The following STXBP4 variants were observed in gnomAD, a reference collection of about 807,000 sequenced individuals.
STXBP4 encodes syntaxin-binding protein 4.
A neutral mutation model predicts 76.1 loss-of-function variants in STXBP4; 55 were observed. That is an observed-to-expected ratio of 0.72 (90% CI 0.58 to 0.91). STXBP4 has a LOEUF of 0.91. STXBP4 is among the 40% of genes least tolerant of loss of function. The pLI, the probability that STXBP4 is intolerant of heterozygous loss-of-function variation, is 0.00. For missense variants in STXBP4, 618 were observed against 636.9 expected (o/e 0.97, Z 0.32); for synonymous variants, 201 against 220.2 (o/e 0.91, Z 0.77).
chr17:55,197,463 G>A, the STXBP4 span, among the ~76,000 whole-genome samples: 4 of 152,192 alleles, frequency 2.6e-5, no homozygotes, highest in African/African-American at 7.2e-5. Flanking sequence ...AGGCTGAGTG[G>A]CCAGGCGCTG....
At chr17:55,191,978 T>C in the STXBP4 span, among the ~76,000 whole-genome samples, 1 of 152,184 alleles carries the variant, frequency 6.6e-6, no homozygotes, top group Non-Finnish European at 1.5e-5. Context: ...CTCAGGAAAG[T>C]GCTTTACTTA....
intron 16 of STXBP4, among the ~76,000 whole-genome samples, chr17:55,092,546 T>A (rs2079428787): frequency 6.6e-6 from 1 of 152,202 alleles, no homozygotes; most frequent in Non-Finnish European, 1.5e-5. Flanking sequence ...TTATTTTTAC[T>A]CAACCAATTG....
rs531494086 is a variant in STXBP4 at position 55,082,352 on chromosome 17, A to G, written c.1489+1169A>G. Among the ~76,000 whole-genome samples the G allele has an allele frequency of 5.7e-4, 87 of 152,340 alleles. 1 individual carries two copies. Among genetic ancestry groups the G allele is most frequent in the African/African-American group, 2.1e-3 (86 of 41,596 alleles). ...GACCAATGGTAAAGTTCTGAAGAGA[A>G]GAAAGTAAAATCTTCCATTAATTTA... is the stretch of plus-strand genomic sequence containing the variant. On this transcript the variant is annotated intron_variant, in intron 16 of 17. Transcript: ENST00000376352.
chr17:55,156,927 A>G (rs2080283764), intron 17 of STXBP4, among the ~76,000 whole-genome samples: 1 of 152,216 alleles, frequency 6.6e-6, no homozygotes, highest in African/African-American at 2.4e-5. Context: ...CACCGTTCAG[A>G]GTCTATAACT....
At chr17:55,055,237 G>T (rs2078909165) in intron 12 of STXBP4, among the ~76,000 whole-genome samples, 1 of 152,104 alleles carries the variant, frequency 6.6e-6, no homozygotes, top group South Asian at 2.1e-4. Context: ...GTGTGTTGGG[G>T]CCTACACATA....
the STXBP4 span, among the ~76,000 whole-genome samples, chr17:55,207,600 TTA>T: frequency 4.6e-5 from 7 of 152,392 alleles, no homozygotes; most frequent in South Asian, 1.4e-3. Context: ...CTGTTAGTAT[TTA>T]TGTCACTGGT....
intron 17 of STXBP4, among the ~76,000 whole-genome samples, chr17:55,149,433 C>T (rs1349535057): frequency 6.6e-6 from 1 of 152,188 alleles, no homozygotes; most frequent in Non-Finnish European, 1.5e-5. Context: ...TCAATACTCT[C>T]TACCCTCTAT....
intron 8 of STXBP4, among the ~76,000 whole-genome samples, chr17:55,028,244 T>C (rs767491883): frequency 6.6e-6 from 1 of 152,148 alleles, no homozygotes; most frequent in Non-Finnish European, 1.5e-5. Context: ...TGTAGCATTG[T>C]GTTCCATAGT....
At chr17:55,073,660 C>T (rs1452192341) in intron 13 of STXBP4, among the ~76,000 whole-genome samples, 1 of 152,118 alleles carries the variant, frequency 6.6e-6, no homozygotes, top group Admixed American at 6.5e-5. Flanking sequence ...CAGAGTTTCA[C>T]TCTTGTCGCC....
the STXBP4 span, among the ~76,000 whole-genome samples, chr17:55,198,430 C>T: frequency 6.6e-6 from 1 of 152,156 alleles, no homozygotes; most frequent in Non-Finnish European, 1.5e-5. Flanking sequence ...TGGGCTGTGG[C>T]TGCTTCTGTA....
At chr17:55,175,530 C>T (rs567216569), downstream of STXBP4, among the ~76,000 whole-genome samples, 3 of 152,306 alleles carry the variant, frequency 2.0e-5, no homozygotes, top group African/African-American at 7.2e-5. Flanking sequence ...GAAATAGGAT[C>T]CATCACAGAT....
chr17:55,122,462 G>A (rs1478187366), intron 16 of STXBP4, among the ~76,000 whole-genome samples: 6 of 152,200 alleles, frequency 3.9e-5, no homozygotes, highest in African/African-American at 1.2e-4. Context: ...ACTCTAGGAA[G>A]AGATAAATGA....
chr17:55,185,668 C>G, the STXBP4 span, among the ~76,000 whole-genome samples: 1 of 152,116 alleles, frequency 6.6e-6, no homozygotes, highest in Non-Finnish European at 1.5e-5. Context: ...GTGGAGAGAG[C>G]AGATGAGTAC....
chr17:55,179,228 G>A, the STXBP4 span, among the ~76,000 whole-genome samples: 1 of 152,006 alleles, frequency 6.6e-6, no homozygotes, highest in Non-Finnish European at 1.5e-5. Flanking sequence ...CTACCACTGG[G>A]ACTATTTAAT....
At chr17:54,994,324 A>G (rs1184722252) in intron 4 of STXBP4, among the ~76,000 whole-genome samples, 1 of 152,174 alleles carries the variant, frequency 6.6e-6, no homozygotes, top group Non-Finnish European at 1.5e-5. Context: ...GACCTCTTAA[A>G]GGTATCTCAA....
At chr17:55,120,950 G>A (rs1052224246) in intron 16 of STXBP4, among the ~76,000 whole-genome samples, 5 of 152,084 alleles carry the variant, frequency 3.3e-5, no homozygotes, top group African/African-American at 1.2e-4. Context: ...AACACATGAT[G>A]GAATTTTTTT....
At chr17:55,000,308 A>G (rs1442812659) in intron 6 of STXBP4, 31 of 966,518 alleles carry the variant, frequency 3.2e-5, no homozygotes, top group Non-Finnish European at 3.3e-5. Flanking sequence ...CCCAAGTAGA[A>G]TCACACAAAA....
intron 1 of STXBP4, among the ~76,000 whole-genome samples, chr17:54,985,300 C>G (rs564671595): frequency 2.6e-5 from 4 of 152,242 alleles, no homozygotes; most frequent in African/African-American, 9.6e-5. Flanking sequence ...ATCCTGTAGA[C>G]TATAACCTGA....
intron 10 of STXBP4, among the ~76,000 whole-genome samples, chr17:55,038,356 T>C (rs1023672332): frequency 2.0e-5 from 3 of 152,226 alleles, no homozygotes; most frequent in Non-Finnish European, 4.4e-5. Flanking sequence ...ACAACATAGA[T>C]TATTTTTGCC....
Sources: allele counts gnomAD v4.1 joint callset (sites outside exome capture counted in the v4.1 genomes callset), GRCh38; gene constraint gnomAD v4.1.1; transcripts MANE v1.5; gene names NCBI Gene and HGNC (gene_info 2026-07-23, HGNC 2026-07-21).